Variants in APOOL observed in about 807,000 individuals in gnomAD.
The protein encoded by APOOL is apolipoprotein O like.
Under a neutral mutation model 23.1 loss-of-function variants are expected in APOOL, and 12 were observed. The observed-to-expected ratio is 0.52, with a 90% CI of 0.33 to 0.84. The LOEUF (loss-of-function observed/expected upper bound fraction) is 0.84, where lower values mean the gene tolerates loss of function less well. Among genes scored for constraint, APOOL ranks in the 40% least tolerant of loss-of-function variants. The probability of loss-of-function intolerance (pLI) is 0.02; values close to 1 mark genes in which losing one functional copy is unlikely to be tolerated. For missense variants in APOOL, 212 were observed against 199.6 expected, an observed-to-expected ratio of 1.06 and a Z score of -0.37; for synonymous variants, 77 against 69.9, an observed-to-expected ratio of 1.10 and a Z score of -0.51.
intron 1 of APOOL, among the ~76,000 whole-genome samples, chrX:85,004,762 G>T (rs1014408099): frequency 9.0e-6 from 1 of 111,328 alleles, no homozygotes; most frequent in African/African-American, 3.3e-5. Context: ...CCTCTGTGTT[G>T]CCAGAGTACA....
chrX:85,006,809 A>G (rs1453278153), intron 1 of APOOL, among the ~76,000 whole-genome samples: 1 of 111,801 alleles, frequency 8.9e-6, no homozygotes, highest in Non-Finnish European at 1.9e-5. Flanking sequence ...ACAGAAGCTT[A>G]AAAAGGTCAA....
rs745946464 is a variant in APOOL at position 85,087,612 on chromosome X, C to A, written c.741C>A (p.Asp247Glu). The A allele has an allele frequency of 1.7e-6, 2 of 1,199,111 alleles. No homozygotes were observed. The highest frequency in any genetic ancestry group is 6.0e-5 in the East Asian group (2 of 33,445). Residue 247 changes from aspartate (D) to glutamate (E), a missense_variant, in exon 9 of 9, where the codon GAC (aspartate) becomes GAA (glutamate). Physicochemically the swap from Asp to Glu is conservative, Grantham distance 45. Coordinates refer to ENST00000373173, the MANE Select transcript of APOOL (RefSeq NM_198450.6). The part of the protein sequence containing the change: ...STSGATQFMP[D>E]PKLMDHGQSH... Reference sequence around the variant, plus strand: ...CAGGTGCAACCCAGTTTATGCCTGACCCCAAGCTCATGGATCACGGGCAGT... The same window carrying A: ...CAGGTGCAACCCAGTTTATGCCTGAACCCAAGCTCATGGATCACGGGCAGT...
intron 1 of APOOL, among the ~76,000 whole-genome samples, chrX:85,030,772 A>G (rs1922012232): frequency 9.0e-6 from 1 of 111,192 alleles, no homozygotes; most frequent in Non-Finnish European, 1.9e-5. Context: ...GAGTGGAAGG[A>G]GGACTCAAGA....
intron 2 of APOOL, among the ~76,000 whole-genome samples, chrX:85,047,714 G>T (rs761475126): frequency 8.1e-5 from 9 of 111,387 alleles, no homozygotes; most frequent in Non-Finnish European, 1.7e-4. Flanking sequence ...GGCTTATCAT[G>T]CCAGCCTGTT....
At chrX:85,078,140 T>G (rs1226324684) in intron 8 of APOOL, among the ~76,000 whole-genome samples, 1 of 112,043 alleles carries the variant, frequency 8.9e-6, no homozygotes, top group Non-Finnish European at 1.9e-5. Flanking sequence ...TTGCTTTTGG[T>G]GTTTTAGTCA....
chrX:85,074,142 A>G (rs779757938), intron 7 of APOOL, 31 bp downstream of exon 7: 1 of 1,152,316 alleles, frequency 8.7e-7, no homozygotes, highest in Non-Finnish European at 1.2e-6. Flanking sequence ...GACGGTCAAC[A>G]TTGAGTTTTG....
chrX:85,043,077 TA>T (rs1244958828), intron 1 of APOOL, among the ~76,000 whole-genome samples: 1 of 111,292 alleles, frequency 9.0e-6, no homozygotes, highest in East Asian at 2.8e-4. Context: ...GTCTTACGGG[TA>T]AGTTACCTCA....
At chrX:85,082,022 G>C (rs896070965) in intron 8 of APOOL, among the ~76,000 whole-genome samples, 5 of 111,354 alleles carry the variant, frequency 4.5e-5, no homozygotes, top group Non-Finnish European at 9.4e-5. Flanking sequence ...ACTTCCTTGC[G>C]GTGGGTTCGA....
At chrX:85,086,433 T>C (rs182057609) in intron 8 of APOOL, among the ~76,000 whole-genome samples, 1 of 111,770 alleles carries the variant, frequency 8.9e-6, no homozygotes, top group Admixed American at 9.5e-5. Context: ...TCTCCCACAT[T>C]TTCCCCTATC....
At chrX:85,031,389 G>A (rs1294744155) in intron 1 of APOOL, among the ~76,000 whole-genome samples, 1 of 111,002 alleles carries the variant, frequency 9.0e-6, no homozygotes, top group Non-Finnish European at 1.9e-5. Flanking sequence ...GATATGAGAG[G>A]TCTAAGACTA....
chrX:85,076,901 C>T (rs1196970501), intron 8 of APOOL, among the ~76,000 whole-genome samples: 1 of 105,245 alleles, frequency 9.5e-6, no homozygotes, highest in East Asian at 3.0e-4. Flanking sequence ...CACAGTCTTG[C>T]AAGATTAATG....
At chrX:85,011,984 A>G (rs976260113) in intron 1 of APOOL, among the ~76,000 whole-genome samples, 1 of 111,881 alleles carries the variant, frequency 8.9e-6, no homozygotes, top group Non-Finnish European at 1.9e-5. Context: ...AGCATGGGAT[A>G]TGATTCCATT....
At chrX:85,059,963 C>T (rs1923137950) in intron 5 of APOOL, among the ~76,000 whole-genome samples, 1 of 108,983 alleles carries the variant, frequency 9.2e-6, no homozygotes, top group Admixed American at 9.8e-5. Context: ...ATGCCTATGT[C>T]CTGAATGGTA....
rs3041542 is a variant in APOOL, at chrX:85,092,021, AAAAC to A, written c.*4355_*4358del. Reference sequence around the variant, plus strand: ...GCAACATAGCAAGATCCTGCCTCTAAAAACAAACAAACAAAAAATGCTGCCAGTT... The same window carrying A: ...GCAACATAGCAAGATCCTGCCTCTAAAAACAAACAAAAAATGCTGCCAGTT... On this transcript the variant is annotated 3_prime_UTR_variant, in exon 9 of 9. Coordinates refer to ENST00000373173, the MANE Select transcript of APOOL (RefSeq NM_198450.6). 142 of 130,036 alleles carry A rather than the reference AAAAC, an allele frequency of 1.1e-3. No individual in the cohort carries two copies. The highest frequency in any genetic ancestry group is 3.8e-3 in the Middle Eastern group (1 of 260). The allele number at this position is 130,036 out of a possible 1,213,427, so 10.7% of individuals were successfully genotyped here. A position where few individuals can be genotyped will look rare whatever the true frequency, so the allele number is the denominator to read the frequency against.
At position 85,053,513 on chromosome X, in the gene APOOL, T is replaced by C. The variant is rs944955366; in HGVS notation, c.241-831T>C. ...CTGTTTTCTCTGCTTTGAAAGTCTC[T>C]TTTGTTCTTGTTTTTATCCCATGGT... On this transcript the variant is annotated intron_variant, in intron 3 of 8. Coordinates refer to ENST00000373173, the MANE Select transcript of APOOL (RefSeq NM_198450.6). Among the ~76,000 whole-genome samples the C allele has an allele frequency of 4.5e-5, 5 of 111,714 alleles. 1 individual carries two copies. Among genetic ancestry groups the C allele is most frequent in the Admixed American group, 3.8e-4 (4 of 10,428 alleles).
At chrX:85,022,806 T>TA (rs1921715315) in intron 1 of APOOL, among the ~76,000 whole-genome samples, 1 of 111,973 alleles carries the variant, frequency 8.9e-6, no homozygotes, top group Non-Finnish European at 1.9e-5. Flanking sequence ...CAATTGTCCT[T>TA]ATGCTATAAT....
At chrX:85,046,664 A>G (rs190342529) in intron 2 of APOOL, 114 bp downstream of exon 2, 11 of 571,535 alleles carry the variant, frequency 1.9e-5, no homozygotes, top group African/African-American at 1.2e-4. Context: ...TTTGTTAGGT[A>G]GATATTAAAA....
intron 1 of APOOL, among the ~76,000 whole-genome samples, chrX:85,031,066 T>G (rs1922020853): frequency 8.9e-6 from 1 of 112,206 alleles, no homozygotes; most frequent in African/African-American, 3.2e-5. Flanking sequence ...CCAGATTGAT[T>G]GGGTCCTCAA....
chrX:85,014,055 T>G (rs984230365), intron 1 of APOOL, among the ~76,000 whole-genome samples: 1 of 111,860 alleles, frequency 8.9e-6, no homozygotes, highest in African/African-American at 3.2e-5. Context: ...GTTGGGGTAG[T>G]CCTCTTATCA....
Sources: allele counts gnomAD v4.1 joint callset (sites outside exome capture counted in the v4.1 genomes callset), GRCh38; gene constraint gnomAD v4.1.1; transcripts MANE v1.5; gene names NCBI Gene and HGNC (gene_info 2026-07-23, HGNC 2026-07-21).